The following BPNT2 variants were observed in gnomAD, a reference collection of about 807,000 sequenced individuals.
BPNT2 encodes 3'(2'), 5'-bisphosphate nucleotidase 2.
BPNT2 carries 11 observed loss-of-function variants against 29.3 expected under a neutral mutation model. The ratio of observed to expected loss-of-function variants is 0.38; its 90% CI spans 0.24 to 0.62. BPNT2 has a LOEUF of 0.62. Ranked by LOEUF, BPNT2 falls within the 20% of genes least tolerant of loss-of-function variation. The pLI, the probability that BPNT2 is intolerant of heterozygous loss-of-function variation, is 0.62. For missense variants in BPNT2, 459 were observed against 473.4 expected, an observed-to-expected ratio of 0.97 and a Z score of 0.28; for synonymous variants, 195 against 187.7, an observed-to-expected ratio of 1.04 and a Z score of -0.32.
rs765934902 is a variant in BPNT2, at chr8:56,963,882, T to C, written c.991A>G (p.Ile331Val). 5 of 1,614,196 alleles carry C rather than the reference T, an allele frequency of 3.1e-6. No individual in the cohort carries two copies. In the Admixed American group the frequency reaches 8.3e-5, roughly 27 times the overall value. ...ATGCTAGCAAGGAGTCCCCCTTCAATGCCGTCTGAACCAGTGTAACTGATT... is the reference window on the plus strand; with the variant it reads ...ATGCTAGCAAGGAGTCCCCCTTCAACGCCGTCTGAACCAGTGTAACTGATT... ...EEISYTGSDGIEGGLLASIRM... is the reference protein window; with the variant it reads ...EEISYTGSDGVEGGLLASIRM... The change falls in exon 5 of 5, where the codon ATT becomes GTT. Residue 331 changes from isoleucine to valine, a missense_variant. By Grantham distance (29) the Ile-to-Val change is conservative. Transcript: ENST00000262644.
rs1234242636 is a variant in BPNT2 at position 56,958,106 on chromosome 8, G to A, written c.*5687C>T. 2.6e-5 allele frequency: 4 copies of A among 152,046 alleles called. No homozygotes were observed. Among genetic ancestry groups the A allele is most frequent in the Non-Finnish European group, 5.9e-5 (4 of 68,028 alleles). 9.4% of individuals were successfully genotyped at this position (152,046 alleles called of 1,614,324 possible). A position where few individuals can be genotyped will look rare whatever the true frequency, so the allele number is the denominator to read the frequency against. On this transcript the variant is annotated 3_prime_UTR_variant, in exon 5 of 5. Coordinates refer to ENST00000262644, the MANE Select transcript of BPNT2 (RefSeq NM_017813.5). ...CTTTTAAAAACAATTTAGTATGTGG[G>A]GGGGTGATAATCATAAATATTTGCA...
intron 3 of BPNT2, among the ~76,000 whole-genome samples, chr8:56,970,202 A>G (rs1806008413): frequency 1.3e-5 from 2 of 152,346 alleles, no homozygotes; most frequent in Admixed American, 6.5e-5. Context: ...CTAAGAGATC[A>G]GGTCATGAAC....
chr8:56,969,454 G>A (rs1805998545), intron 3 of BPNT2, among the ~76,000 whole-genome samples: 2 of 152,162 alleles, frequency 1.3e-5, no homozygotes, highest in Admixed American at 6.5e-5. Flanking sequence ...GTGGATTTAA[G>A]GGGAAACCAA....
At chr8:56,964,321 C>G in intron 4 of BPNT2, 1 of 314,004 alleles carries the variant, frequency 3.2e-6, no homozygotes, top group South Asian at 3.3e-5. Context: ...TTTTTTGAGA[C>G]AGAGTCTCGC....
intron 1 of BPNT2, among the ~76,000 whole-genome samples, chr8:56,980,917 CAT>C (rs1282481163): frequency 6.7e-6 from 1 of 150,044 alleles, no homozygotes; most frequent in African/African-American, 2.4e-5. Context: ...CTACATATAA[CAT>C]ATATATACAT....
At chr8:56,971,071 G>A (rs1196037353) in intron 3 of BPNT2, among the ~76,000 whole-genome samples, 1 of 152,000 alleles carries the variant, frequency 6.6e-6, no homozygotes, top group Non-Finnish European at 1.5e-5. Context: ...AAGAATTGCT[G>A]ACTTAGTATT....
At chr8:56,982,472 C>T (rs1201488056) in intron 1 of BPNT2, among the ~76,000 whole-genome samples, 1 of 152,186 alleles carries the variant, frequency 6.6e-6, no homozygotes, top group African/African-American at 2.4e-5. Context: ...AATTTATTCA[C>T]TTATGTCTTT....
At chr8:56,972,586 T>A (rs947092230) in intron 3 of BPNT2, among the ~76,000 whole-genome samples, 1 of 152,038 alleles carries the variant, frequency 6.6e-6, no homozygotes, top group African/African-American at 2.4e-5. Flanking sequence ...CTAAAGACTG[T>A]AGTATGATTC....
intron 3 of BPNT2, among the ~76,000 whole-genome samples, chr8:56,971,139 G>A (rs1806024058): frequency 6.6e-6 from 1 of 151,894 alleles, no homozygotes; most frequent in African/African-American, 2.4e-5. Context: ...ACACTTACAT[G>A]AACATAATTA....
intron 3 of BPNT2, among the ~76,000 whole-genome samples, chr8:56,973,796 T>C (rs1426813825): frequency 6.6e-6 from 1 of 152,206 alleles, no homozygotes; most frequent in East Asian, 1.9e-4. Flanking sequence ...ACTTCTTTTA[T>C]GACATGGACC....
At chr8:56,985,906 A>C in intron 1 of BPNT2, among the ~76,000 whole-genome samples, 1 of 152,236 alleles carries the variant, frequency 6.6e-6, no homozygotes, top group South Asian at 2.1e-4. Context: ...GTGAATGCGC[A>C]TCACTTTCTG....
At chr8:56,965,628 C>G (rs1805932021) in intron 4 of BPNT2, among the ~76,000 whole-genome samples, 1 of 152,034 alleles carries the variant, frequency 6.6e-6, no homozygotes, top group South Asian at 2.1e-4. Flanking sequence ...GCTCATGAGG[C>G]TTCAAATTTT....
rs945747430 is a variant in BPNT2, at chr8:56,993,238, C to T, written c.348G>A (p.Lys116=). ...MTSGDVLSNR[K]MFYLLKTAFP... is the part of the protein sequence containing the mutation. ...AGGCGGTCTTGAGCAGGTAGAACATCTTGCGGTTGGACAGCACGTCGCCGC... is the reference window on the plus strand; with the variant it reads ...AGGCGGTCTTGAGCAGGTAGAACATTTTGCGGTTGGACAGCACGTCGCCGC... Residue 116 remains lysine, a synonymous_variant, in exon 1 of 5, where the codon AAG becomes AAA. Transcript: ENST00000262644. The T allele has an allele frequency of 6.2e-7, 1 of 1,606,856 alleles. No homozygotes were observed. Among genetic ancestry groups the T allele is most frequent in the African/African-American group, 1.3e-5 (1 of 74,950 alleles).
At chr8:56,976,922 C>T (rs1806150062) in intron 3 of BPNT2, among the ~76,000 whole-genome samples, 1 of 152,072 alleles carries the variant, frequency 6.6e-6, no homozygotes, top group Admixed American at 6.6e-5. Flanking sequence ...GCTCCAAAAT[C>T]CAGGAAAGCA....
Position 56,982,373 on chromosome 8 carries a change from G to A in BPNT2, c.388-2176C>T, listed in dbSNP as rs543121171. Among the ~76,000 whole-genome samples, 16 of 152,184 alleles carry A rather than the reference G, an allele frequency of 1.1e-4. No individual in the cohort carries two copies. The East Asian group carries it at 3.1e-3, about 29-fold the overall frequency. ...CCTGACTTCATGATCTGCCCGCCTC[G>A]GCCTCCCAAAGTACTGGGATTACAG... On this transcript the variant is annotated intron_variant, in intron 1 of 4. Transcript: ENST00000262644.
chr8:56,978,401 G>C (rs1038325221), intron 2 of BPNT2, among the ~76,000 whole-genome samples: 8 of 152,114 alleles, frequency 5.3e-5, no homozygotes, highest in Admixed American at 5.2e-4. Flanking sequence ...AATAACAGAT[G>C]CAAGTGAGGT....
chr8:56,993,469 G>A lies in BPNT2; in HGVS notation c.117C>T (p.Phe39=). 2 of 1,495,448 alleles carry A rather than the reference G, an allele frequency of 1.3e-6. No homozygotes were observed. The highest frequency in any genetic ancestry group is 1.8e-6 in the Non-Finnish European group (2 of 1,122,910). The allele number at this position is 1,495,448 out of a possible 1,614,324, so 92.6% of individuals were successfully genotyped here. A position where few individuals can be genotyped will look rare whatever the true frequency, so the allele number is the denominator to read the frequency against. Residue 39 remains phenylalanine, a synonymous_variant, in exon 1 of 5, where the codon TTC becomes TTT. Transcript: ENST00000262644. ...CGCCGCCAGGCTCGCCGCCCAGGCC[G>A]AAGAGGCTGAAGCGGCCGGCCAAGA... is the stretch of plus-strand genomic sequence containing the variant. ...SGFLAGRFSL[F]GLGGEPGGGA...
At chr8:56,984,628 C>T (rs981026250) in intron 1 of BPNT2, among the ~76,000 whole-genome samples, 9 of 152,186 alleles carry the variant, frequency 5.9e-5, no homozygotes, top group Non-Finnish European at 7.3e-5. Flanking sequence ...TGGCTATATA[C>T]GCTAAACTGC....
At position 56,978,090 on chromosome 8, in the gene BPNT2, G is replaced by A. The variant is rs770044431; in HGVS notation, c.606C>T (p.Pro202=). Residue 202 remains proline (P), a synonymous_variant, in exon 3 of 5, where the codon CCC becomes CCT. Coordinates refer to ENST00000262644, the MANE Select transcript of BPNT2 (RefSeq NM_017813.5). ...TMVCVAVNGK[P]MLGVIHKPFS... ...ATGGCTTATGTATAACTCCTAGCATGGGTTTACCATTTACAGCCACACACA... is the reference window on the plus strand; with the variant it reads ...ATGGCTTATGTATAACTCCTAGCATAGGTTTACCATTTACAGCCACACACA... The A allele has an allele frequency of 1.9e-6, 3 of 1,611,846 alleles. No individual in the cohort carries two copies. The highest frequency in any genetic ancestry group is 1.3e-5 in the African/African-American group (1 of 74,800).
Sources: gnomAD v4.1 joint callset for allele counts (sites outside exome capture counted in the v4.1 genomes callset) on GRCh38, gnomAD v4.1.1 for gene constraint, MANE v1.5 for transcripts, NCBI Gene and HGNC (gene_info 2026-07-23, HGNC 2026-07-21) for gene names.